Variants in FHIT observed in about 807,000 individuals in gnomAD.
FHIT encodes the protein bis(5'-adenosyl)-triphosphatase.
A neutral mutation model predicts 17.9 loss-of-function variants in FHIT; 19 were observed. That is an observed-to-expected ratio of 1.06 (90% CI 0.74 to 1.56). The LOEUF (loss-of-function observed/expected upper bound fraction) is 1.56, where lower values mean the gene tolerates loss of function less well. Among genes scored for constraint, FHIT ranks in the 40% most tolerant of loss-of-function variants. The pLI is 0.00. For synonymous variants in FHIT, 81 were observed against 69.7 expected (o/e 1.16, Z -0.81); for missense variants, 248 against 189.2 (o/e 1.31, Z -1.82).
chr3:60,604,784 T>C (rs1467404133), intron 4 of FHIT, among the ~76,000 whole-genome samples: 1 of 152,184 alleles, frequency 6.6e-6, no homozygotes, highest in African/African-American at 2.4e-5. Flanking sequence ...CCAGGAATCT[T>C]GGATCTCTTC....
chr3:60,381,558 A>G (rs1217533352), intron 5 of FHIT, among the ~76,000 whole-genome samples: 1 of 152,182 alleles, frequency 6.6e-6, no homozygotes, highest in African/African-American at 2.4e-5. Flanking sequence ...AAGCTGTTCT[A>G]TTGCTCAGAT....
chr3:60,984,794 G>A (rs1490630395), intron 3 of FHIT, among the ~76,000 whole-genome samples: 2 of 145,908 alleles, frequency 1.4e-5, no homozygotes, highest in Non-Finnish European at 3.0e-5. Flanking sequence ...GGGTGTGTGT[G>A]TGTGTGTGTG....
At chr3:60,999,670 C>A (rs533889325) in intron 3 of FHIT, among the ~76,000 whole-genome samples, 1 of 151,622 alleles carries the variant, frequency 6.6e-6, no homozygotes, top group Admixed American at 6.6e-5. Flanking sequence ...AAAAGGAATT[C>A]TTTAGGGATC....
intron 4 of FHIT, among the ~76,000 whole-genome samples, chr3:60,576,700 T>A (rs2037577270): frequency 6.6e-6 from 1 of 152,082 alleles, no homozygotes; most frequent in African/African-American, 2.4e-5. Context: ...TAAAAGGAGA[T>A]GTGAGATTCT....
At chr3:60,099,757 T>C (rs1355272993) in intron 5 of FHIT, among the ~76,000 whole-genome samples, 2 of 152,222 alleles carry the variant, frequency 1.3e-5, no homozygotes, top group African/African-American at 4.8e-5. Flanking sequence ...CTGGGAGTAT[T>C]AAATGCATTT....
chr3:59,867,738 T>C (rs1702718773), intron 8 of FHIT, among the ~76,000 whole-genome samples: 1 of 152,110 alleles, frequency 6.6e-6, no homozygotes, highest in Non-Finnish European at 1.5e-5. Flanking sequence ...AAATATCACA[T>C]ATTATGTACT....
intron 8 of FHIT, among the ~76,000 whole-genome samples, chr3:59,879,737 C>G (rs73100638): frequency 6.6e-6 from 1 of 152,106 alleles, no homozygotes; most frequent in African/African-American, 2.4e-5. Flanking sequence ...GGGATAATCA[C>G]AGCAATTGCT....
chr3:60,265,976 A>G (rs373968218), intron 5 of FHIT, among the ~76,000 whole-genome samples: 1 of 151,978 alleles, frequency 6.6e-6, no homozygotes, highest in Non-Finnish European at 1.5e-5. Context: ...ATGTAAAATG[A>G]TGCATCTAAT....
At chr3:60,956,111 C>T (rs1709142516) in intron 3 of FHIT, among the ~76,000 whole-genome samples, 1 of 152,096 alleles carries the variant, frequency 6.6e-6, no homozygotes, top group Non-Finnish European at 1.5e-5. Flanking sequence ...TTAATGATTA[C>T]AAGATTTTGT....
intron 5 of FHIT, among the ~76,000 whole-genome samples, chr3:60,488,324 A>G (rs1335452573): frequency 1.3e-5 from 2 of 152,152 alleles, no homozygotes; most frequent in African/African-American, 4.8e-5. Flanking sequence ...TGGCTCATGT[A>G]TGCTGTGATT....
chr3:59,931,140 G>T (rs1044833416), intron 7 of FHIT, among the ~76,000 whole-genome samples: 3 of 152,202 alleles, frequency 2.0e-5, no homozygotes, highest in African/African-American at 4.8e-5. Flanking sequence ...TGAATATTCA[G>T]TCAATTCCAG....
intron 3 of FHIT, among the ~76,000 whole-genome samples, chr3:60,892,432 T>C (rs1026136486): frequency 1.3e-5 from 2 of 152,148 alleles, no homozygotes; most frequent in African/African-American, 2.4e-5. Flanking sequence ...ACCTCTGTGC[T>C]CTCCACCCTT....
chr3:59,781,364 T>TC (rs1702575097), intron 8 of FHIT, among the ~76,000 whole-genome samples: 1 of 152,212 alleles, frequency 6.6e-6, no homozygotes, highest in Admixed American at 6.5e-5. Context: ...GGTGAGTGCC[T>TC]CCCTTAACTT....
chr3:60,450,677 G>T (rs1391331456), intron 5 of FHIT, among the ~76,000 whole-genome samples: 1 of 152,082 alleles, frequency 6.6e-6, no homozygotes, highest in Non-Finnish European at 1.5e-5. Context: ...GTTAAGTGGG[G>T]AATTTGGGGA....
Position 60,264,228 on chromosome 3 carries a change from C to G in FHIT, c.104-250076G>C, listed in dbSNP as rs141283380. Among the ~76,000 whole-genome samples, 923 of 152,014 alleles carry G rather than the reference C, an allele frequency of 6.1e-3. 11 individuals carry two copies. Among genetic ancestry groups the G allele is most frequent in the Non-Finnish European group, 9.2e-3 (623 of 67,898 alleles). On this transcript the variant is annotated intron_variant, in intron 5 of 9. Coordinates refer to ENST00000492590, the MANE Select transcript of FHIT (RefSeq NM_002012.4). ...AGGACCACTCTGTATGTAGGAGTAG[C>G]CTGATGAGCAAACATAATACTTCTC... is the stretch of plus-strand genomic sequence containing the variant.
intron 4 of FHIT, among the ~76,000 whole-genome samples, chr3:60,759,688 G>C (rs782153011): frequency 6.6e-6 from 1 of 152,200 alleles, no homozygotes; most frequent in Non-Finnish European, 1.5e-5. Context: ...GTGATCAACT[G>C]TATCATGTAC....
intron 4 of FHIT, among the ~76,000 whole-genome samples, chr3:60,747,583 G>A (rs1351137114): frequency 6.6e-6 from 1 of 152,120 alleles, no homozygotes; most frequent in Non-Finnish European, 1.5e-5. Context: ...ACAGCACAGG[G>A]CAATATGAAA....
chr3:60,431,806 T>G (rs1428873661), intron 5 of FHIT, among the ~76,000 whole-genome samples: 1 of 152,012 alleles, frequency 6.6e-6, no homozygotes, highest in African/African-American at 2.4e-5. Context: ...CAGCTCAGAG[T>G]CTTCTCTTAG....
chr3:60,592,749 T>C (rs1286327580), intron 4 of FHIT, among the ~76,000 whole-genome samples: 3 of 152,026 alleles, frequency 2.0e-5, no homozygotes, highest in Admixed American at 6.6e-5. Context: ...TCTAGGCAGT[T>C]GTGCAGGCTC....
Sources: gnomAD v4.1 joint callset for allele counts (sites outside exome capture counted in the v4.1 genomes callset) on GRCh38, gnomAD v4.1.1 for gene constraint, MANE v1.5 for transcripts, NCBI Gene and HGNC (gene_info 2026-07-23, HGNC 2026-07-21) for gene names.